Variants in CTDSPL observed in about 807,000 individuals in gnomAD.
CTDSPL encodes the protein CTD small phosphatase like.
In CTDSPL, 8 loss-of-function variants were observed where a neutral mutation model predicts 30.5. The ratio of observed to expected loss-of-function variants is 0.26; its 90% CI spans 0.15 to 0.47. The LOEUF (loss-of-function observed/expected upper bound fraction) is 0.47. CTDSPL is among the 20% of genes least tolerant of loss of function. The pLI, the probability that CTDSPL is intolerant of heterozygous loss-of-function variation, is 0.99. For missense variants in CTDSPL, 248 were observed against 366.1 expected, an observed-to-expected ratio of 0.68 and a Z score of 2.63; for synonymous variants, 110 against 137.9, an observed-to-expected ratio of 0.80 and a Z score of 1.42.
intron 1 of CTDSPL, among the ~76,000 whole-genome samples, chr3:37,915,370 C>A (rs1698633959): frequency 6.6e-6 from 1 of 152,082 alleles, no homozygotes; most frequent in Non-Finnish European, 1.5e-5. Context: ...TTAAAAAATT[C>A]TTGGCTGTGT....
intron 1 of CTDSPL, among the ~76,000 whole-genome samples, chr3:37,895,238 A>T (rs62239968): frequency 0.059 from 9,010 of 152,248 alleles, 305 homozygotes; most frequent in African/African-American, 0.083. Context: ...CATTGCCAAC[A>T]TTCAGCTTGG....
intron 6 of CTDSPL, among the ~76,000 whole-genome samples, chr3:37,973,940 A>G (rs1047744221): frequency 1.3e-5 from 2 of 152,202 alleles, no homozygotes; most frequent in East Asian, 3.9e-4. Flanking sequence ...ATCTTTTTCC[A>G]TTTAGAGCAA....
chr3:37,935,512 C>G (rs1359034050), intron 1 of CTDSPL, among the ~76,000 whole-genome samples: 1 of 152,146 alleles, frequency 6.6e-6, no homozygotes, highest in Middle Eastern at 3.2e-3. Flanking sequence ...TCATACAAAT[C>G]TGGTTTATGT....
chr3:37,964,082 A>G (rs1699272837), intron 3 of CTDSPL, among the ~76,000 whole-genome samples: 1 of 149,066 alleles, frequency 6.7e-6, no homozygotes, highest in Middle Eastern at 3.5e-3. Flanking sequence ...TGTAGTTCCA[A>G]CATAGCTCTA....
chr3:37,941,469 G>A (rs958084629), intron 1 of CTDSPL, among the ~76,000 whole-genome samples: 13 of 146,384 alleles, frequency 8.9e-5, no homozygotes, highest in Non-Finnish European at 1.8e-4. Context: ...AGGCTGGAGT[G>A]TGGTGGCGTT....
intron 1 of CTDSPL, among the ~76,000 whole-genome samples, chr3:37,878,673 A>G (rs1472463221): frequency 2.0e-5 from 3 of 152,184 alleles, no homozygotes; most frequent in Non-Finnish European, 4.4e-5. Context: ...TTTATTCTAC[A>G]TTTTGCAATT....
chr3:37,941,482 G>A (rs1698977311), intron 1 of CTDSPL, among the ~76,000 whole-genome samples: 1 of 145,438 alleles, frequency 6.9e-6, no homozygotes, highest in African/African-American at 2.5e-5. Flanking sequence ...GTGGCGTTAT[G>A]TCAGCTCACT....
At chr3:37,930,129 AG>A (rs1417436629) in intron 1 of CTDSPL, among the ~76,000 whole-genome samples, 3 of 148,582 alleles carry the variant, frequency 2.0e-5, no homozygotes, top group Non-Finnish European at 3.0e-5. Flanking sequence ...AAAAAAAAAA[AG>A]AAGAAGGGTA....
At position 37,979,964 on chromosome 3, in the gene CTDSPL, A is replaced by G. The variant is rs186242335; in HGVS notation, c.706-778A>G. On this transcript the variant is annotated intron_variant, in intron 7 of 7. Transcript: ENST00000273179. ...CTGCCCTCTCCTCCACTCTCTCCCC[A>G]TCCCCTAGGCGTAGTCATTTCTTTA... 2.4e-3 allele frequency among the ~76,000 whole-genome samples: 361 copies of G among 152,270 alleles called. 1 individual carries two copies. The highest frequency in any genetic ancestry group is 8.4e-3 in the African/African-American group (348 of 41,554).
chr3:37,890,397 T>C (rs564373872), intron 1 of CTDSPL, among the ~76,000 whole-genome samples: 52 of 152,248 alleles, frequency 3.4e-4, no homozygotes, highest in African/African-American at 1.2e-3. Flanking sequence ...AGAGCTAAAA[T>C]GTAAACAGTT....
chr3:37,980,940 T>C lies in CTDSPL; in HGVS notation c.*73T>C. 1.0e-5 allele frequency: 16 copies of C among 1,527,716 alleles called. No homozygotes were observed. The highest frequency in any genetic ancestry group is 1.4e-5 in the Non-Finnish European group (16 of 1,126,492). 94.6% of individuals were successfully genotyped at this position (1,527,716 alleles called of 1,614,324 possible). ...CTCAGGGGACCTGCCTGTCCTCAGC[T>C]CCCTGGGAGCTGAAAGTGAGGATAC... On this transcript the variant is annotated 3_prime_UTR_variant, in exon 8 of 8. Transcript: ENST00000273179.
At chr3:37,937,648 C>G (rs182250523) in intron 1 of CTDSPL, among the ~76,000 whole-genome samples, 1 of 150,532 alleles carries the variant, frequency 6.6e-6, no homozygotes, top group East Asian at 2.0e-4. Flanking sequence ...TGGAATGAGG[C>G]ACTGAACTAA....
At chr3:37,882,927 A>G (rs1698223893) in intron 1 of CTDSPL, among the ~76,000 whole-genome samples, 1 of 152,176 alleles carries the variant, frequency 6.6e-6, no homozygotes. Flanking sequence ...ACAGTGTTCT[A>G]CGTGCTTGGT....
At chr3:37,895,215 T>C (rs1012900655) in intron 1 of CTDSPL, among the ~76,000 whole-genome samples, 5 of 152,212 alleles carry the variant, frequency 3.3e-5, no homozygotes, top group African/African-American at 1.2e-4. Context: ...TTATTGTTTC[T>C]TTTGTTTTTT....
At chr3:37,925,965 G>T (rs372879652) in intron 1 of CTDSPL, among the ~76,000 whole-genome samples, 1 of 151,954 alleles carries the variant, frequency 6.6e-6, no homozygotes, top group Non-Finnish European at 1.5e-5. Flanking sequence ...CTCTCTTCCC[G>T]CTGGAATCTA....
At position 37,943,540 on chromosome 3, in the gene CTDSPL, G is replaced by A. The variant is rs928134169; in HGVS notation, c.80-3517G>A. On this transcript the variant is annotated intron_variant, in intron 1 of 7. Transcript: ENST00000273179. The stretch of plus-strand genomic sequence containing the variant: ...GATTTTTAAAAATGAAAATCGTTAC[G>A]GAATATTTTAGACTGACGTTCATAG... Among the ~76,000 whole-genome samples the A allele has an allele frequency of 3.3e-5, 5 of 150,288 alleles. 1 individual carries two copies. The highest frequency in any genetic ancestry group is 7.5e-5 in the Non-Finnish European group (5 of 67,046).
chr3:37,921,342 C>G (rs549282753), intron 1 of CTDSPL, among the ~76,000 whole-genome samples: 30 of 152,286 alleles, frequency 2.0e-4, no homozygotes, highest in Admixed American at 1.0e-3. Context: ...AGCAGCGGCC[C>G]CTGTCTCCTC....
intron 1 of CTDSPL, among the ~76,000 whole-genome samples, chr3:37,886,839 G>A (rs887771895): frequency 6.6e-6 from 1 of 152,152 alleles, no homozygotes; most frequent in African/African-American, 2.4e-5. Context: ...AAGCCCAATA[G>A]GGGGAAACTC....
At chr3:37,974,867 C>G (rs1382034292) in intron 6 of CTDSPL, among the ~76,000 whole-genome samples, 1 of 152,170 alleles carries the variant, frequency 6.6e-6, no homozygotes, top group Non-Finnish European at 1.5e-5. Context: ...TTGGAGCCAG[C>G]TCATTCATTC....
Sources: gnomAD v4.1 joint callset for allele counts (sites outside exome capture counted in the v4.1 genomes callset) on GRCh38, gnomAD v4.1.1 for gene constraint, MANE v1.5 for transcripts, NCBI Gene and HGNC (gene_info 2026-07-23, HGNC 2026-07-21) for gene names.